BUD31: variants seen among roughly 807,000 people sequenced by gnomAD.
BUD31 encodes the protein BUD31 spliceosome associated protein.
BUD31 carries 9 observed loss-of-function variants against 17.9 expected under a neutral mutation model. That is an observed-to-expected ratio of 0.50 (90% CI 0.30 to 0.88). The LOEUF (loss-of-function observed/expected upper bound fraction) is 0.88. Among genes scored for constraint, BUD31 ranks in the 40% least tolerant of loss-of-function variants. The pLI, the probability that BUD31 is intolerant of heterozygous loss-of-function variation, is 0.06. For missense variants in BUD31, 148 were observed against 184.5 expected (o/e 0.80, Z 1.15); for synonymous variants, 70 against 64.7 (o/e 1.08, Z -0.39).
chr7:99,419,271 C>T, intron 5 of BUD31, 120 bp from the exon 6 acceptor site: 2 of 1,260,722 alleles, frequency 1.6e-6, no homozygotes, highest in South Asian at 2.5e-5. Context: ...GGAAGGGTTT[C>T]TGAGGTGTGT....
chr7:99,418,126 CCTGG>C (rs1277454238), intron 5 of BUD31: 1 of 324,626 alleles, frequency 3.1e-6, no homozygotes, highest in Non-Finnish European at 4.7e-6. Flanking sequence ...CACCACCACG[CCTGG>C]CTAATTTTGT....
intron 3 of BUD31, among the ~76,000 whole-genome samples, chr7:99,414,056 A>G (rs1462960953): frequency 6.6e-6 from 1 of 152,232 alleles, no homozygotes; most frequent in African/African-American, 2.4e-5. Context: ...ACACCCAAGC[A>G]CACTCATGAA....
Position 99,414,393 on chromosome 7 carries a change from C to G in BUD31, c.95-1745C>G, listed in dbSNP as rs183268885. On this transcript the variant is annotated intron_variant, in intron 3 of 5. Coordinates refer to ENST00000222969, the MANE Select transcript of BUD31 (RefSeq NM_003910.4). ...GACCTCGTGGTCCGCCCACCTTGGC[C>G]TCCCAAAATGCCCGGCGGCTTATTC... 5.9e-3 allele frequency among the ~76,000 whole-genome samples: 892 copies of G among 152,238 alleles called. 3 individuals carry two copies. Among genetic ancestry groups the G allele is most frequent in the Non-Finnish European group, 9.9e-3 (675 of 67,996 alleles).
intron 4 of BUD31, 61 bp from the exon 5 acceptor site, chr7:99,417,368 A>T: frequency 6.4e-7 from 1 of 1,570,648 alleles, no homozygotes; most frequent in Non-Finnish European, 8.8e-7. Context: ...GCTTTTTTTG[A>T]TCAAGGGTGG....
At chr7:99,417,117 CACG>C (rs1795528685) in intron 4 of BUD31, 1 of 270,710 alleles carries the variant, frequency 3.7e-6, no homozygotes, top group Admixed American at 5.1e-5. Context: ...AGTCCAGTGG[CACG>C]ACCTCAGGTC....
chr7:99,416,449 T>G, intron 4 of BUD31, 189 bp downstream of exon 4: 1 of 626,612 alleles, frequency 1.6e-6, no homozygotes, highest in Non-Finnish European at 2.5e-6. Flanking sequence ...AGATGGAGTC[T>G]CACTCTGTCA....
intron 1 of BUD31, among the ~76,000 whole-genome samples, chr7:99,409,731 G>A (rs1795095776): frequency 7.3e-6 from 1 of 136,744 alleles, no homozygotes; most frequent in Admixed American, 7.9e-5. Context: ...TCCTCTATAT[G>A]GTTGTTTTAG....
chr7:99,419,382 C>A lies in BUD31; in HGVS notation c.385-9C>A. The A allele has an allele frequency of 6.2e-7, 1 of 1,613,038 alleles. No individual in the cohort carries two copies. The highest frequency in any genetic ancestry group is 2.2e-5 in the East Asian group (1 of 44,876). On this transcript the variant is annotated splice_polypyrimidine_tract_variant and intron_variant, in intron 5 of 5. Transcript: ENST00000222969. ...AGTGGCATCGTCTCACTGTCCTCCT[C>A]CGTTGCAGGGCCGCATCATCGAGTG...
Position 99,415,030 on chromosome 7 carries a change from T to C in BUD31, c.95-1108T>C, listed in dbSNP as rs114684306. On this transcript the variant is annotated intron_variant, in intron 3 of 5. Transcript: ENST00000222969. ...CAACACTTGTTATTGTGCCATAATT[T>C]TGATTATAGTCATCTGTAGGGTCCA... is the stretch of plus-strand genomic sequence containing the variant. 8.4e-3 allele frequency: 2,086 copies of C among 248,096 alleles called. 48 individuals are homozygous for C. Among genetic ancestry groups the C allele is most frequent in the African/African-American group, 0.046 (1,980 of 42,750 alleles). 15.4% of individuals were successfully genotyped at this position (248,096 alleles called of 1,614,324 possible).
At chr7:99,416,404 T>G (rs948594608) in intron 4 of BUD31, 144 bp downstream of exon 4, 67 of 1,054,126 alleles carry the variant, frequency 6.4e-5, no homozygotes, top group Non-Finnish European at 8.1e-5. Context: ...TGGCTGAGTT[T>G]TGTGTGTGTG....
At chr7:99,412,072 GGTC>G (rs1484829880) in intron 3 of BUD31, 2 of 173,342 alleles carry the variant, frequency 1.2e-5, no homozygotes, top group African/African-American at 2.4e-5. Flanking sequence ...GTTATTATGA[GGTC>G]GTACCTCCAG....
intron 5 of BUD31, 69 bp from the exon 6 acceptor site, chr7:99,419,322 C>A: frequency 6.3e-7 from 1 of 1,575,882 alleles, no homozygotes; most frequent in South Asian, 1.1e-5. Flanking sequence ...GGGAGGGTTG[C>A]CACATATGTG....
intron 3 of BUD31, 186 bp downstream of exon 3, chr7:99,411,372 G>C: frequency 1.9e-6 from 1 of 540,472 alleles, no homozygotes; most frequent in South Asian, 2.6e-5. Flanking sequence ...TAATGAAAAG[G>C]TCCTCAGAAA....
At chr7:99,415,216 G>T (rs1162904181) in intron 3 of BUD31, 1 of 455,178 alleles carries the variant, frequency 2.2e-6, no homozygotes, top group Admixed American at 2.4e-5. Flanking sequence ...ATATTTATTG[G>T]ATACAAGACA....
chr7:99,412,419 T>TG (rs1379431932), intron 3 of BUD31, among the ~76,000 whole-genome samples: 1 of 152,158 alleles, frequency 6.6e-6, no homozygotes, highest in Admixed American at 6.5e-5. Flanking sequence ...AAGTATTCTT[T>TG]GTTCTGTTTT....
At chr7:99,415,006 A>G (rs1795337180) in intron 3 of BUD31, 1 of 261,434 alleles carries the variant, frequency 3.8e-6, no homozygotes, top group African/African-American at 2.3e-5. Flanking sequence ...CATCCTTCCC[A>G]ACACTTGTTA....
chr7:99,417,219 A>G (rs912402129), intron 4 of BUD31: 6 of 470,668 alleles, frequency 1.3e-5, no homozygotes, highest in African/African-American at 1.2e-4. Flanking sequence ...CGCCCGAGTA[A>G]TTTTTGTATT....
At chr7:99,417,376 T>C (rs9691168) in intron 4 of BUD31, 53 bp from the exon 5 acceptor site, 2 of 1,581,094 alleles carry the variant, frequency 1.3e-6, no homozygotes. Flanking sequence ...TGATCAAGGG[T>C]GGGGAAGGTT....
intron 3 of BUD31, among the ~76,000 whole-genome samples, chr7:99,412,287 A>G (rs1795222692): frequency 6.6e-6 from 1 of 152,218 alleles, no homozygotes; most frequent in Admixed American, 6.5e-5. Context: ...AAATGGGAGC[A>G]TGCTGGAATA....
Sources: gnomAD v4.1 joint callset for allele counts (sites outside exome capture counted in the v4.1 genomes callset) on GRCh38, gnomAD v4.1.1 for gene constraint, MANE v1.5 for transcripts, NCBI Gene and HGNC (gene_info 2026-07-23, HGNC 2026-07-21) for gene names.